Variants in PITPNC1 observed in about 807,000 individuals in gnomAD.
PITPNC1 encodes the protein cytoplasmic phosphatidylinositol transfer protein 1.
A neutral mutation model predicts 44.7 loss-of-function variants in PITPNC1; 18 were observed. The observed-to-expected ratio is 0.40, with a 90% confidence interval of 0.28 to 0.60. PITPNC1 has a LOEUF of 0.60. Ranked by LOEUF, PITPNC1 falls within the 20% of genes least tolerant of loss-of-function variation. The pLI is 0.39. For missense variants in PITPNC1, 290 were observed against 418.4 expected, an observed-to-expected ratio of 0.69 and a Z score of 2.68; for synonymous variants, 141 against 149.6, an observed-to-expected ratio of 0.94 and a Z score of 0.42.
intron 6 of PITPNC1, among the ~76,000 whole-genome samples, chr17:67,650,227 T>G (rs919961109): frequency 5.3e-5 from 8 of 152,132 alleles, no homozygotes; most frequent in Non-Finnish European, 1.0e-4. Context: ...AAATCTATTT[T>G]GTATTACATC....
At chr17:67,546,440 T>A (rs1012785052) in intron 2 of PITPNC1, among the ~76,000 whole-genome samples, 1 of 152,108 alleles carries the variant, frequency 6.6e-6, no homozygotes, top group Non-Finnish European at 1.5e-5. Flanking sequence ...GGGACTCTCA[T>A]GCTACCGGGC....
intron 5 of PITPNC1, among the ~76,000 whole-genome samples, chr17:67,578,815 C>T (rs746229948): frequency 7.9e-5 from 12 of 152,128 alleles, no homozygotes; most frequent in East Asian, 1.9e-4. Flanking sequence ...AACCCTGTCT[C>T]GACTAAAAAT....
intron 2 of PITPNC1, among the ~76,000 whole-genome samples, chr17:67,536,355 C>G (rs539458587): frequency 6.6e-6 from 1 of 152,110 alleles, no homozygotes; most frequent in Admixed American, 6.5e-5. Flanking sequence ...TCCCGAGTAG[C>G]TGGGACTACA....
At chr17:67,497,807 C>T (rs997738171) in intron 1 of PITPNC1, among the ~76,000 whole-genome samples, 11 of 150,816 alleles carry the variant, frequency 7.3e-5, no homozygotes, top group African/African-American at 2.7e-4. Context: ...GGATTACAAG[C>T]GTGAGCCACC....
At chr17:67,596,493 G>GTTA (rs375656303) in intron 5 of PITPNC1, among the ~76,000 whole-genome samples, 21 of 152,224 alleles carry the variant, frequency 1.4e-4, no homozygotes, top group African/African-American at 4.6e-4. Flanking sequence ...TGTTGTTGTT[G>GTTA]TTGTTTTGTA....
At chr17:67,545,666 A>G (rs773105259) in intron 2 of PITPNC1, among the ~76,000 whole-genome samples, 7 of 152,098 alleles carry the variant, frequency 4.6e-5, no homozygotes, top group Admixed American at 1.3e-4. Context: ...TGCCCATGCT[A>G]TGTTTGAAAG....
chr17:67,523,239 C>T (rs7222440), intron 1 of PITPNC1, among the ~76,000 whole-genome samples: 110,426 of 152,130 alleles, frequency 0.73, 40,423 homozygotes, highest in East Asian at 0.88. Context: ...ATCTGACTAC[C>T]GTCTAATGAA....
At chr17:67,658,075 G>A (rs1337098794) in intron 6 of PITPNC1, among the ~76,000 whole-genome samples, 1 of 152,196 alleles carries the variant, frequency 6.6e-6, no homozygotes, top group African/African-American at 2.4e-5. Flanking sequence ...GGTTCCTCTT[G>A]CTCAGTCAGA....
At chr17:67,412,858 G>GC (rs1208889288) in intron 1 of PITPNC1, among the ~76,000 whole-genome samples, 1 of 152,164 alleles carries the variant, frequency 6.6e-6, no homozygotes, top group Admixed American at 6.5e-5. Context: ...GAGCCACCGC[G>GC]CCCGGCCTTC....
At position 67,509,559 on chromosome 17, in the gene PITPNC1, AAAATAAATAAAT is replaced by A. The variant is rs569903843; in HGVS notation, c.49-23211_49-23200del. On this transcript the variant is annotated intron_variant, in intron 1 of 8. Coordinates refer to ENST00000581322, the MANE Select transcript of PITPNC1 (RefSeq NM_012417.4). ...CTCTAAATTAAATTAAATTGAATTAAAAATAAATAAATAAATAAATAAATAAATAAATAAATA... is the reference window on the plus strand; with the variant it reads ...CTCTAAATTAAATTAAATTGAATTAAAAATAAATAAATAAATAAATAAATA... Among the ~76,000 whole-genome samples, 1,230 of 146,292 alleles carry A rather than the reference AAAATAAATAAAT, an allele frequency of 8.4e-3. 4 individuals carry two copies. Among genetic ancestry groups the A allele is most frequent in the Middle Eastern group, 0.021 (6 of 282 alleles).
chr17:67,523,494 T>A (rs376725610), intron 1 of PITPNC1, among the ~76,000 whole-genome samples: 1 of 17,424 alleles, frequency 5.7e-5, no homozygotes, highest in Non-Finnish European at 9.7e-5. Flanking sequence ...AATTTTTAAG[T>A]TTTTTTTTTT....
In PITPNC1 at chr17:67,681,011, A is replaced by C. The variant is rs183499149; in HGVS notation, c.682+5469A>C. ...GTGCCATTTCACAGATCATTGAATT[A>C]GAACAGAAGACTCCCCTTTTTAAAA... On this transcript the variant is annotated intron_variant, in intron 8 of 8. Coordinates refer to ENST00000581322, the MANE Select transcript of PITPNC1 (RefSeq NM_012417.4). 5.6e-4 allele frequency among the ~76,000 whole-genome samples: 85 copies of C among 152,348 alleles called. 1 individual carries two copies. Among genetic ancestry groups the C allele is most frequent in the Non-Finnish European group, 4.0e-4 (27 of 68,026 alleles).
At chr17:67,689,156 T>C (rs1464746249) in intron 8 of PITPNC1, among the ~76,000 whole-genome samples, 1 of 151,854 alleles carries the variant, frequency 6.6e-6, no homozygotes, top group African/African-American at 2.4e-5. Flanking sequence ...GAGCAGAGAT[T>C]GTGCCACTGC....
intron 2 of PITPNC1, among the ~76,000 whole-genome samples, chr17:67,538,931 TA>T (rs928461266): frequency 1.5e-4 from 22 of 143,776 alleles, no homozygotes; most frequent in African/African-American, 1.8e-4. Context: ...GTATTTAATT[TA>T]AAAAAAAAAG....
rs1393721202 is a variant in PITPNC1 at position 67,676,486 on chromosome 17, T to C, written c.682+944T>C. On this transcript the variant is annotated intron_variant, in intron 8 of 8. Coordinates refer to ENST00000581322, the MANE Select transcript of PITPNC1 (RefSeq NM_012417.4). The surrounding 1 kb of genome is among the most constrained non-coding windows in gnomAD (Gnocchi z 4.0). The stretch of plus-strand genomic sequence containing the variant: ...GAATTTTCTGCACTCCCAGAATCAG[T>C]CATCAGATGGCTACCGTCCTTGGCT... Among the ~76,000 whole-genome samples the C allele has an allele frequency of 1.3e-5, 2 of 152,192 alleles. No individual in the cohort carries two copies. Among genetic ancestry groups the C allele is most frequent in the East Asian group, 3.9e-4 (2 of 5,186 alleles).
At position 67,579,098 on chromosome 17, in the gene PITPNC1, A is replaced by G. The variant is rs190812002; in HGVS notation, c.366+841A>G. 1.9e-4 allele frequency among the ~76,000 whole-genome samples: 29 copies of G among 152,400 alleles called. 1 individual carries two copies. Among genetic ancestry groups the G allele is most frequent in the Non-Finnish European group, 3.4e-4 (23 of 68,040 alleles). ...CACCCACACATCCTACCTTAAAATC[A>G]GGGGGTACCCCCACAAAATATTTAC... On this transcript the variant is annotated intron_variant, in intron 5 of 8. Transcript: ENST00000581322.
Position 67,442,997 on chromosome 17 carries a change from C to G in PITPNC1, c.48+64795C>G, listed in dbSNP as rs138928988. Among the ~76,000 whole-genome samples the G allele has an allele frequency of 4.7e-3, 722 of 152,200 alleles. 13 individuals are homozygous for G. Among genetic ancestry groups the G allele is most frequent in the Non-Finnish European group, 6.9e-3 (468 of 67,992 alleles). ...GGTCTATTACAAAAGTCCCCGCGGG[C>G]TCTGACCTACACAGCTGCCAGTTAC... On this transcript the variant is annotated intron_variant, in intron 1 of 8. Transcript: ENST00000581322.
intron 1 of PITPNC1, among the ~76,000 whole-genome samples, chr17:67,436,908 GTTTTTTTTTTTTT>G (rs1044625193): frequency 2.9e-4 from 20 of 68,458 alleles, no homozygotes; most frequent in South Asian, 2.5e-3. Flanking sequence ...AAATAGGGGT[GTTTTTTTTTTTTT>G]TTTTTTTTTT....
At chr17:67,594,737 T>C (rs78453323) in intron 5 of PITPNC1, among the ~76,000 whole-genome samples, 1,711 of 152,326 alleles carry the variant, frequency 0.011, 41 homozygotes, top group African/African-American at 0.039. Context: ...GGATGAAGAC[T>C]GTAGGCACTA....
Sources: allele counts gnomAD v4.1 joint callset (sites outside exome capture counted in the v4.1 genomes callset), GRCh38; gene constraint gnomAD v4.1.1; non-coding constraint Gnocchi (gnomAD v3.1); transcripts MANE v1.5; gene names NCBI Gene and HGNC (gene_info 2026-07-23, HGNC 2026-07-21).